Variants in FAM149A observed in about 807,000 individuals in gnomAD.
FAM149A encodes the protein protein FAM149A.
A neutral mutation model predicts 78.2 loss-of-function variants in FAM149A; 71 were observed. The ratio of observed to expected loss-of-function variants is 0.91; its 90% CI spans 0.75 to 1.11. The LOEUF is 1.11. Among genes scored for constraint, FAM149A ranks in the 50% least tolerant of loss-of-function variants. FAM149A has a pLI of 0.00. For synonymous variants in FAM149A, 446 were observed against 410.5 expected (o/e 1.09, Z -1.04); for missense variants, 1,036 against 971.0 (o/e 1.07, Z -0.89).
At position 186,174,829 on chromosome 4, in the gene FAM149A, C is replaced by A. The variant is rs1735670492; in HGVS notation, c.*2842C>A. ...AATAATGCTTATATCAAGGATGGTG[C>A]TTTTTAAGCTAATTAGGTAAAAATT... On this transcript the variant is annotated 3_prime_UTR_variant, in exon 14 of 14. Coordinates refer to ENST00000389354, the MANE Select transcript of FAM149A (RefSeq NM_001367768.3). Among the ~76,000 whole-genome samples, 1 of 110,104 alleles carries A rather than the reference C, an allele frequency of 9.1e-6. No homozygotes were observed. The highest frequency in any genetic ancestry group is 8.9e-5 in the Admixed American group (1 of 11,266). The allele number at this position is 110,104 out of a possible 152,430, so 72.2% of individuals were successfully genotyped here. A position where few individuals can be genotyped will look rare whatever the true frequency, so the allele number is the denominator to read the frequency against.
At chr4:186,132,032 A>G (rs2099320953) in intron 1 of FAM149A, 2 of 985,338 alleles carry the variant, frequency 2.0e-6, no homozygotes, top group African/African-American at 3.5e-5. Flanking sequence ...TCTCCATAAA[A>G]GATTGGAACA....
In FAM149A at chr4:186,105,087, C is replaced by G; in HGVS notation, c.11C>G (p.Ala4Gly). ...GTCCACTGTCGAGGCATGAAGGCTG[C>G]TGTGCTGGACCTTGGGTCTCTCTTG... Residue 4 changes from alanine (A) to glycine (G), a missense_variant, in exon 1 of 14, where the codon GCT (alanine) becomes GGT (glycine). This residue lies in a region of FAM149A where 316 missense variants were observed against 241.9 expected (regional missense o/e 1.31). Coordinates refer to ENST00000389354, the MANE Select transcript of FAM149A (RefSeq NM_001367768.3). 1 of 1,277,522 alleles carries G rather than the reference C, an allele frequency of 7.8e-7. No homozygotes were observed. The highest frequency in any genetic ancestry group is 1.0e-6 in the Non-Finnish European group (1 of 983,654). The allele number at this position is 1,277,522 out of a possible 1,614,324, so 79.1% of individuals were successfully genotyped here.
chr4:186,169,841 C>T (rs1735381266), intron 13 of FAM149A: 1 of 985,438 alleles, frequency 1.0e-6, no homozygotes, highest in Non-Finnish European at 1.2e-6. Flanking sequence ...CTGCGCCTCA[C>T]TGCCTCTTAA....
chr4:186,120,209 C>T (rs2099315390), intron 1 of FAM149A, among the ~76,000 whole-genome samples: 1 of 152,160 alleles, frequency 6.6e-6, no homozygotes, highest in Admixed American at 6.5e-5. Context: ...GACATTATCA[C>T]AAATCCCCAA....
Position 186,105,126 on chromosome 4 carries a change from A to C in FAM149A, c.50A>C (p.Glu17Ala), listed in dbSNP as rs571080821. Residue 17 changes from glutamate to alanine, a missense_variant, in exon 1 of 14, where the codon GAG becomes GCG. This residue lies in a region of FAM149A where 316 missense variants were observed against 241.9 expected (regional missense o/e 1.31). Transcript: ENST00000389354. ...GGGTCTCTCTTGGCCAAACTCTTCG[A>C]GACCTCGACGGCGCCCCCCGCAGGC... The C allele has an allele frequency of 4.7e-6, 6 of 1,280,422 alleles. No individual in the cohort carries two copies. The African/African-American group carries it at 6.3e-5, about 13-fold the overall frequency. The allele number at this position is 1,280,422 out of a possible 1,614,324, so 79.3% of individuals were successfully genotyped here.
chr4:186,171,706 C>G (rs573931609), intron 13 of FAM149A, among the ~76,000 whole-genome samples: 1 of 152,318 alleles, frequency 6.6e-6, no homozygotes, highest in East Asian at 1.9e-4. Flanking sequence ...TGGCCTGCAC[C>G]TCCGCTTGAT....
intron 11 of FAM149A, 149 bp from the exon 12 acceptor site, chr4:186,166,819 G>A: frequency 3.2e-6 from 2 of 628,262 alleles, no homozygotes; most frequent in Non-Finnish European, 5.6e-6. Flanking sequence ...TATTTCTTCA[G>A]GTATTTATCC....
chr4:186,172,152 C>A lies in FAM149A; in HGVS notation c.*165C>A. ...ATCACTTAATCTTGAACACTTTGCA[C>A]TGTAAAGAGAGTGAAAGTCAAACCC... On this transcript the variant is annotated 3_prime_UTR_variant, in exon 14 of 14. Transcript: ENST00000389354. The A allele has an allele frequency of 9.1e-7, 1 of 1,093,252 alleles. No individual in the cohort carries two copies. The allele number at this position is 1,093,252 out of a possible 1,614,324, so 67.7% of individuals were successfully genotyped here.
At chr4:186,134,991 G>A (rs1234559325) in intron 1 of FAM149A, among the ~76,000 whole-genome samples, 1 of 152,164 alleles carries the variant, frequency 6.6e-6, no homozygotes, top group East Asian at 1.9e-4. Flanking sequence ...GAATCAGGGC[G>A]GTGGCTCTCG....
intron 11 of FAM149A, among the ~76,000 whole-genome samples, chr4:186,166,670 AAAG>A (rs1194705927): frequency 2.0e-5 from 3 of 150,000 alleles, no homozygotes; most frequent in Admixed American, 1.3e-4. Flanking sequence ...AAAAAAAAAA[AAAG>A]GCAAACATCA....
intron 7 of FAM149A, 67 bp downstream of exon 7, chr4:186,156,257 C>A: frequency 7.2e-7 from 1 of 1,394,458 alleles, no homozygotes; most frequent in Non-Finnish European, 9.9e-7. Flanking sequence ...TGGGCTCCTG[C>A]TCCCCAGCTT....
chr4:186,147,566 A>G lies in FAM149A; in HGVS notation c.567-1607A>G, dbSNP rs1228434218. 2.0e-5 allele frequency among the ~76,000 whole-genome samples: 3 copies of G among 152,212 alleles called. No homozygotes were observed. The East Asian group carries it at 5.8e-4, about 29-fold the overall frequency. On this transcript the variant is annotated intron_variant, in intron 1 of 13. Coordinates refer to ENST00000389354, the MANE Select transcript of FAM149A (RefSeq NM_001367768.3). ...TTTGAACCCCCCATTATTATTCTGT[A>G]GATATGTATCACAAAAGAACAATGT...
intron 1 of FAM149A, among the ~76,000 whole-genome samples, chr4:186,130,887 T>C (rs2099320507): frequency 6.6e-6 from 1 of 152,134 alleles, no homozygotes; most frequent in African/African-American, 2.4e-5. Context: ...GCAAAGTTGG[T>C]GTTGCAGATA....
intron 1 of FAM149A, among the ~76,000 whole-genome samples, chr4:186,145,335 G>A (rs995564043): frequency 3.9e-5 from 6 of 152,104 alleles, no homozygotes; most frequent in Non-Finnish European, 8.8e-5. Context: ...GTTGGGTCAG[G>A]GCGGTGTGAG....
intron 1 of FAM149A, chr4:186,146,643 C>CT: frequency 2.8e-6 from 2 of 712,370 alleles, no homozygotes; most frequent in Non-Finnish European, 3.4e-6. Context: ...GGAGGAGGAG[C>CT]TAGAAGCAGG....
chr4:186,132,187 T>TTA (rs773519226), intron 1 of FAM149A: 131 of 985,316 alleles, frequency 1.3e-4, no homozygotes, highest in Non-Finnish European at 1.4e-4. Context: ...GAAGGGCAGA[T>TTA]TTTTAAAGAC....
At chr4:186,160,308 AAC>A (rs1734466186) in intron 8 of FAM149A, among the ~76,000 whole-genome samples, 1 of 113,846 alleles carries the variant, frequency 8.8e-6, no homozygotes, top group Non-Finnish European at 1.8e-5. Flanking sequence ...ACCCCACACA[AAC>A]ACACCACACA....
intron 1 of FAM149A, among the ~76,000 whole-genome samples, chr4:186,145,685 T>G (rs1331377094): frequency 2.0e-5 from 3 of 152,158 alleles, no homozygotes; most frequent in African/African-American, 7.2e-5. Context: ...GTGACTGCAC[T>G]TCAGTCCACC....
At chr4:186,153,326 C>G in intron 4 of FAM149A, 5 of 926,000 alleles carry the variant, frequency 5.4e-6, no homozygotes, top group Non-Finnish European at 6.4e-6. Context: ...CCAGTGTTGC[C>G]TTAGACACCT....
Sources: allele counts gnomAD v4.1 joint callset (sites outside exome capture counted in the v4.1 genomes callset), GRCh38; gene constraint gnomAD v4.1.1; regional missense constraint gnomAD v4.1.1; transcripts MANE v1.5; gene names NCBI Gene and HGNC (gene_info 2026-07-23, HGNC 2026-07-21).